The following GRAMD1B variants were observed in gnomAD, a reference collection of about 807,000 sequenced individuals.
GRAMD1B encodes protein Aster-B.
GRAMD1B carries 37 observed loss-of-function variants against 99.7 expected under a neutral mutation model. That is an observed-to-expected ratio of 0.37 (90% CI 0.29 to 0.49). GRAMD1B has a LOEUF of 0.49. Among genes scored for constraint, GRAMD1B ranks in the 20% least tolerant of loss-of-function variants. The pLI is 0.98. For missense variants in GRAMD1B, 888 were observed against 1,009.2 expected (o/e 0.88, Z 1.63); for synonymous variants, 427 against 387.6 (o/e 1.10, Z -1.19).
At chr11:123,555,250 G>A (rs929394613) in intron 2 of GRAMD1B, among the ~76,000 whole-genome samples, 1 of 152,180 alleles carries the variant, frequency 6.6e-6, no homozygotes, top group Non-Finnish European at 1.5e-5. Flanking sequence ...TTACCTTGAA[G>A]GGTTGTTTTG....
intron 8 of GRAMD1B, among the ~76,000 whole-genome samples, chr11:123,602,179 G>A (rs1952064742): frequency 6.6e-6 from 1 of 152,110 alleles, no homozygotes; most frequent in African/African-American, 2.4e-5. Context: ...TAGAGTCAGG[G>A]CCCCAAATCT....
At chr11:123,426,633 T>A (rs1948661885), upstream of GRAMD1B, among the ~76,000 whole-genome samples, 3 of 152,146 alleles carry the variant, frequency 2.0e-5, no homozygotes, top group African/African-American at 7.2e-5. Context: ...AGACTCTGTG[T>A]CCCAGTGTTG....
chr11:123,600,398 G>T (rs922479792), intron 7 of GRAMD1B, 70 bp from the exon 8 acceptor site: 2 of 951,964 alleles, frequency 2.1e-6, no homozygotes, highest in Non-Finnish European at 3.3e-6. Flanking sequence ...TTAAAGGATG[G>T]AGGACCATGT....
At chr11:123,559,483 T>C (rs958434963) in intron 2 of GRAMD1B, among the ~76,000 whole-genome samples, 3 of 152,204 alleles carry the variant, frequency 2.0e-5, no homozygotes, top group Non-Finnish European at 4.4e-5. Context: ...TGATTGAATG[T>C]AGGCAAAATG....
At chr11:123,487,915 G>A (rs1668078136) in intron 2 of GRAMD1B, among the ~76,000 whole-genome samples, 3 of 152,128 alleles carry the variant, frequency 2.0e-5, no homozygotes, top group African/African-American at 7.2e-5. Flanking sequence ...CTGCCACTGA[G>A]TTATGTTGAG....
chr11:123,421,604 C>T (rs1399798358), intron 1 of GRAMD1B, among the ~76,000 whole-genome samples: 1 of 152,170 alleles, frequency 6.6e-6, no homozygotes, highest in Non-Finnish European at 1.5e-5. Flanking sequence ...TTCTTCCAGG[C>T]TATAATTCTG....
chr11:123,553,470 A>T (rs1253377956), intron 2 of GRAMD1B, among the ~76,000 whole-genome samples: 2 of 152,210 alleles, frequency 1.3e-5, no homozygotes, highest in Non-Finnish European at 2.9e-5. Flanking sequence ...AAGGGTGGCT[A>T]CCTGATTGAA....
chr11:123,596,961 A>C (rs534698662), intron 7 of GRAMD1B, among the ~76,000 whole-genome samples: 1 of 152,238 alleles, frequency 6.6e-6, no homozygotes, highest in South Asian at 2.1e-4. Context: ...CTGGGCTTGG[A>C]GAACATGTGA....
chr11:123,561,192 G>A (rs936062713), intron 2 of GRAMD1B, among the ~76,000 whole-genome samples: 2 of 152,188 alleles, frequency 1.3e-5, no homozygotes, highest in African/African-American at 4.8e-5. Context: ...GTGGCACAAT[G>A]CATCATGGAG....
At chr11:123,482,505 T>C (rs1482754520) in intron 2 of GRAMD1B, among the ~76,000 whole-genome samples, 1 of 152,218 alleles carries the variant, frequency 6.6e-6, no homozygotes, top group African/African-American at 2.4e-5. Flanking sequence ...TTTGATAGCA[T>C]TTCATGTGAA....
rs967231855 is a variant in GRAMD1B, at chr11:123,627,473, A to G, written c.*4878A>G. On this transcript the variant is annotated 3_prime_UTR_variant, in exon 20 of 20. Coordinates refer to ENST00000635736, the MANE Select transcript of GRAMD1B (RefSeq NM_001387025.1). Reference sequence around the variant, plus strand: ...GGTGGGGAGGGATGGGTCAGAGGCCATAGTGGCCCCTGGATAATCCTGACG... The same window carrying G: ...GGTGGGGAGGGATGGGTCAGAGGCCGTAGTGGCCCCTGGATAATCCTGACG... 3.3e-5 allele frequency: 5 copies of G among 152,382 alleles called. No homozygotes were observed. The highest frequency in any genetic ancestry group is 7.3e-5 in the Non-Finnish European group (5 of 68,152). The allele number at this position is 152,382 out of a possible 1,614,324, so 9.4% of individuals were successfully genotyped here.
intron 1 of GRAMD1B, among the ~76,000 whole-genome samples, chr11:123,376,061 G>C (rs1946681726): frequency 6.6e-6 from 1 of 151,778 alleles, no homozygotes; most frequent in Non-Finnish European, 1.5e-5. Context: ...GCTGGAGTAT[G>C]TTCTGGCTCT....
At chr11:123,446,521 G>A (rs1282894889) in intron 1 of GRAMD1B, among the ~76,000 whole-genome samples, 1 of 152,144 alleles carries the variant, frequency 6.6e-6, no homozygotes, top group Non-Finnish European at 1.5e-5. Flanking sequence ...ATGTTTGAAG[G>A]CAGGGCTGTC....
chr11:123,423,912 C>T (rs1948551458), intron 1 of GRAMD1B, among the ~76,000 whole-genome samples: 1 of 152,130 alleles, frequency 6.6e-6, no homozygotes, highest in African/African-American at 2.4e-5. Context: ...GCACTCAGCA[C>T]AGCGCCTGGC....
At chr11:123,450,461 T>C (rs948236073) in intron 1 of GRAMD1B, among the ~76,000 whole-genome samples, 14 of 152,190 alleles carry the variant, frequency 9.2e-5, no homozygotes, top group African/African-American at 3.1e-4. Flanking sequence ...GTGAACAAAA[T>C]AGAGTCTGCC....
intron 1 of GRAMD1B, among the ~76,000 whole-genome samples, chr11:123,367,683 C>A (rs868494933): frequency 6.6e-6 from 1 of 151,768 alleles, no homozygotes; most frequent in Non-Finnish European, 1.5e-5. Flanking sequence ...TGAGGCAACA[C>A]CATTTTTTTT....
rs573540646 is a variant in GRAMD1B at position 123,409,245 on chromosome 11, C to T, written c.-176+50446C>T. On this transcript the variant is annotated intron_variant, in intron 1 of 20. Transcript: ENST00000638157. ...AATCCTGCCTTTGCCTCTTACTATG[C>T]GACTCATGCAAATTGTATAATTTCT... Among the ~76,000 whole-genome samples, 5 of 152,278 alleles carry T rather than the reference C, an allele frequency of 3.3e-5. No individual in the cohort carries two copies. The South Asian group carries it at 6.2e-4, about 19-fold the overall frequency.
chr11:123,531,070 G>T (rs1465513650), intron 2 of GRAMD1B, among the ~76,000 whole-genome samples: 1 of 152,218 alleles, frequency 6.6e-6, no homozygotes, highest in Non-Finnish European at 1.5e-5. Flanking sequence ...TCTGTAGCCA[G>T]CAGGGGACAC....
rs1249760407 is a variant in GRAMD1B at position 123,619,161 on chromosome 11, C to T, written c.2481C>T (p.Tyr827=). ...AGCTCTTAGAGTCCCAACAAAAGTA[C>T]CACGATACTGAGCTCCAAAAATGGA... ...WAQLLESQQK[Y]HDTELQKWRE... The change falls in exon 19 of 20, where the codon TAC becomes TAT. Residue 827 remains tyrosine, a synonymous_variant. Coordinates refer to ENST00000635736, the MANE Select transcript of GRAMD1B (RefSeq NM_001387025.1). The T allele has an allele frequency of 6.4e-7, 1 of 1,571,554 alleles. No individual in the cohort carries two copies. The highest frequency in any genetic ancestry group is 8.6e-7 in the Non-Finnish European group (1 of 1,158,212).
Sources: gnomAD v4.1 joint callset for allele counts (sites outside exome capture counted in the v4.1 genomes callset) on GRCh38, gnomAD v4.1.1 for gene constraint, MANE v1.5 for transcripts, NCBI Gene and HGNC (gene_info 2026-07-23, HGNC 2026-07-21) for gene names.